FBXW10B: variants seen among roughly 807,000 people sequenced by gnomAD.
The protein encoded by FBXW10B is F-box and WD repeat domain containing 10B.
chr17:15,587,602 C>A, the FBXW10B span, among the ~76,000 whole-genome samples: 2 of 151,586 alleles, frequency 1.3e-5, no homozygotes, highest in South Asian at 4.1e-4. Context: ...TCTCCTCTGG[C>A]CCCCTCCCGG....
At chr17:15,571,972 G>GA in the FBXW10B span, 6 of 152,172 alleles carry the variant, frequency 3.9e-5, no homozygotes, top group South Asian at 1.2e-3. Context: ...GGCGGTGGGG[G>GA]GAGGGGTGCG....
chr17:15,619,236 C>T, the FBXW10B span: 115 of 1,613,744 alleles, frequency 7.1e-5, no homozygotes, highest in Middle Eastern at 4.9e-4. Flanking sequence ...TTGCTGAGGT[C>T]GATCCGGGAC....
chr17:15,578,659 A>G, the FBXW10B span, among the ~76,000 whole-genome samples: 10,424 of 152,114 alleles, frequency 0.069, 1,133 homozygotes, highest in African/African-American at 0.22. Context: ...TGCCCTCAAG[A>G]AATTAGAAAA....
the FBXW10B span, among the ~76,000 whole-genome samples, chr17:15,608,412 G>A: frequency 3.3e-5 from 5 of 150,254 alleles, no homozygotes; most frequent in African/African-American, 4.9e-5. Context: ...TGCCTGCCTC[G>A]GCTTCCCAAA....
chr17:15,571,975 G>GA, the FBXW10B span: 3 of 151,508 alleles, frequency 2.0e-5, no homozygotes, highest in Non-Finnish European at 4.4e-5. Flanking sequence ...GGTGGGGGGA[G>GA]GGGTGCGGGG....
At chr17:15,611,158 G>A in the FBXW10B span, among the ~76,000 whole-genome samples, 1 of 151,890 alleles carries the variant, frequency 6.6e-6, no homozygotes, top group Non-Finnish European at 1.5e-5. Flanking sequence ...CGAGTAGATG[G>A]GACTAGAGGC....
chr17:15,606,592 T>C, the FBXW10B span, among the ~76,000 whole-genome samples: 1 of 135,792 alleles, frequency 7.4e-6, no homozygotes, highest in South Asian at 2.4e-4. Context: ...TGTGTGTGTA[T>C]ATACATATAT....
At chr17:15,605,891 T>C in the FBXW10B span, among the ~76,000 whole-genome samples, 1 of 146,248 alleles carries the variant, frequency 6.8e-6, no homozygotes, top group Non-Finnish European at 1.5e-5. Flanking sequence ...TCACAGGAAA[T>C]ATAAATAATT....
the FBXW10B span, among the ~76,000 whole-genome samples, chr17:15,579,931 A>G: frequency 6.6e-6 from 1 of 151,708 alleles, no homozygotes; most frequent in Admixed American, 6.6e-5. Context: ...GGAGAAAAAA[A>G]TAATTCATAG....
At chr17:15,607,526 G>C in the FBXW10B span, 5 of 1,561,246 alleles carry the variant, frequency 3.2e-6, no homozygotes, top group Non-Finnish European at 4.4e-6. Flanking sequence ...TGTCAGTGTG[G>C]ATAACTCAAG....
the FBXW10B span, among the ~76,000 whole-genome samples, chr17:15,585,482 T>C: frequency 6.6e-6 from 1 of 152,030 alleles, no homozygotes; most frequent in Non-Finnish European, 1.5e-5. Flanking sequence ...CTTTTTTACA[T>C]TATTAACTGA....
chr17:15,611,065 C>T, the FBXW10B span, among the ~76,000 whole-genome samples: 9 of 150,732 alleles, frequency 6.0e-5, no homozygotes, highest in Middle Eastern at 3.2e-3. Context: ...ACTCTGTCAC[C>T]CAGGCTGGAG....
chr17:15,616,261 G>A, the FBXW10B span, among the ~76,000 whole-genome samples: 7 of 152,026 alleles, frequency 4.6e-5, no homozygotes, highest in South Asian at 2.1e-4. Flanking sequence ...TGCAACCTCC[G>A]TCTCCTGGGT....
At chr17:15,603,757 G>A in the FBXW10B span, among the ~76,000 whole-genome samples, 1 of 143,290 alleles carries the variant, frequency 7.0e-6, no homozygotes, top group Non-Finnish European at 1.5e-5. Flanking sequence ...GTCTCTGGCA[G>A]CATTCTTTGA....
chr17:15,591,588 T>A, the FBXW10B span, among the ~76,000 whole-genome samples: 1 of 152,208 alleles, frequency 6.6e-6, no homozygotes, highest in Admixed American at 6.5e-5. Flanking sequence ...GCGCCTGGCC[T>A]CAAGTTAAAA....
At chr17:15,590,829 G>A in the FBXW10B span, among the ~76,000 whole-genome samples, 1 of 152,194 alleles carries the variant, frequency 6.6e-6, no homozygotes, top group Non-Finnish European at 1.5e-5. Flanking sequence ...TCCCTGCACT[G>A]AGCCACCTGC....
At chr17:15,566,922 G>A in the FBXW10B span, among the ~76,000 whole-genome samples, 1 of 151,788 alleles carries the variant, frequency 6.6e-6, no homozygotes, top group South Asian at 2.1e-4. Flanking sequence ...TAGCCTCTAA[G>A]TGTGCATATT....
the FBXW10B span, among the ~76,000 whole-genome samples, chr17:15,567,287 A>C: frequency 1.2e-4 from 18 of 146,132 alleles, no homozygotes; most frequent in South Asian, 2.6e-3. Flanking sequence ...AAAAAAAAAA[A>C]CTGAGTGAAA....
At chr17:15,607,550 C>T in the FBXW10B span, 4 of 1,603,964 alleles carry the variant, frequency 2.5e-6, no homozygotes, top group South Asian at 2.2e-5. Flanking sequence ...CCCTAGAGAC[C>T]CAGATTCTGA....
Sources: allele counts gnomAD v4.1 joint callset (sites outside exome capture counted in the v4.1 genomes callset), GRCh38; gene constraint gnomAD v4.1.1; transcripts MANE v1.5; gene names NCBI Gene and HGNC (gene_info 2026-07-23, HGNC 2026-07-21).